MGAT5: variants seen among roughly 807,000 people sequenced by gnomAD.
MGAT5 encodes alpha-1,6-mannosylglycoprotein 6-beta-N-acetylglucosaminyltransferase A.
A neutral mutation model predicts 94.3 loss-of-function variants in MGAT5; 30 were observed. The ratio of observed to expected loss-of-function variants is 0.32; its 90% CI spans 0.24 to 0.43. The LOEUF (loss-of-function observed/expected upper bound fraction) is 0.43. MGAT5 is among the 20% of genes least tolerant of loss of function. MGAT5 has a pLI of 1.00. For missense variants in MGAT5, 691 were observed against 905.5 expected (o/e 0.76, Z 3.04); for synonymous variants, 310 against 322.9 (o/e 0.96, Z 0.43).
intron 1 of MGAT5, among the ~76,000 whole-genome samples, chr2:134,197,778 G>A (rs1373136513): frequency 1.3e-5 from 2 of 152,176 alleles, no homozygotes; most frequent in Admixed American, 6.5e-5. Flanking sequence ...AGTTATAGGG[G>A]GCTGGGCTCC....
intron 15 of MGAT5, among the ~76,000 whole-genome samples, chr2:134,448,355 C>T (rs1205278650): frequency 7.2e-5 from 11 of 152,186 alleles, no homozygotes; most frequent in Admixed American, 5.2e-4. Context: ...CCATTCCCTG[C>T]TTGGTGAGTA....
At chr2:134,242,706 T>A (rs112826594) in intron 1 of MGAT5, among the ~76,000 whole-genome samples, 2 of 152,222 alleles carry the variant, frequency 1.3e-5, no homozygotes, top group African/African-American at 4.8e-5. Flanking sequence ...TTTCCACAGA[T>A]GAGAGTTCGA....
chr2:134,200,772 G>A (rs575771419), intron 1 of MGAT5, among the ~76,000 whole-genome samples: 44 of 152,190 alleles, frequency 2.9e-4, no homozygotes, highest in East Asian at 9.8e-4. Context: ...TGATCCTAGC[G>A]TCTTGGGAGG....
chr2:134,335,843 G>T (rs1003902161), intron 4 of MGAT5, among the ~76,000 whole-genome samples: 1 of 152,054 alleles, frequency 6.6e-6, no homozygotes, highest in African/African-American at 2.4e-5. Context: ...TTGCTAAAGG[G>T]TCACAGAGAC....
intron 10 of MGAT5, among the ~76,000 whole-genome samples, chr2:134,394,226 A>G (rs1311808863): frequency 1.3e-5 from 2 of 152,376 alleles, no homozygotes; most frequent in African/African-American, 4.8e-5. Context: ...AATTACAAGT[A>G]GAAAAGTTGG....
chr2:134,140,361 G>A (rs1686603099), intron 1 of MGAT5, among the ~76,000 whole-genome samples: 1 of 152,236 alleles, frequency 6.6e-6, no homozygotes, highest in Non-Finnish European at 1.5e-5. Context: ...GGCGCCACAA[G>A]TCTGCTTAGA....
chr2:134,272,455 C>T (rs568769663), intron 2 of MGAT5, among the ~76,000 whole-genome samples: 4 of 151,802 alleles, frequency 2.6e-5, no homozygotes, highest in East Asian at 1.9e-4. Context: ...TTGCATCTCT[C>T]GGGTATGTGT....
intron 1 of MGAT5, among the ~76,000 whole-genome samples, chr2:134,151,995 C>T (rs1286108052): frequency 6.8e-6 from 1 of 146,752 alleles, no homozygotes; most frequent in Non-Finnish European, 1.5e-5. Context: ...CATGAGACCT[C>T]ACTCACTCAT....
At chr2:134,413,491 A>C (rs930270589) in intron 12 of MGAT5, among the ~76,000 whole-genome samples, 5 of 152,202 alleles carry the variant, frequency 3.3e-5, no homozygotes, top group Admixed American at 3.3e-4. Context: ...CCATCCCAAG[A>C]AGTAATCCTA....
chr2:134,376,388 T>G (rs1346354892), intron 10 of MGAT5, among the ~76,000 whole-genome samples: 1 of 152,228 alleles, frequency 6.6e-6, no homozygotes, highest in African/African-American at 2.4e-5. Context: ...TTACTGGAGA[T>G]ACACACAATT....
chr2:134,246,348 G>T (rs1682261322), intron 1 of MGAT5, among the ~76,000 whole-genome samples: 1 of 152,156 alleles, frequency 6.6e-6, no homozygotes, highest in South Asian at 2.1e-4. Context: ...TGCTGAGTGG[G>T]CTCTATCAGG....
At chr2:134,441,059 GT>G (rs1188787758) in intron 14 of MGAT5, among the ~76,000 whole-genome samples, 1 of 152,112 alleles carries the variant, frequency 6.6e-6, no homozygotes, top group Admixed American at 6.5e-5. Context: ...TGTAAAATTG[GT>G]TTCTTTATAT....
intron 4 of MGAT5, among the ~76,000 whole-genome samples, chr2:134,331,812 A>G (rs926236726): frequency 2.0e-5 from 3 of 152,062 alleles, no homozygotes; most frequent in African/African-American, 4.8e-5. Context: ...TTGAAATAGA[A>G]CCATTTTCAG....
intron 1 of MGAT5, among the ~76,000 whole-genome samples, chr2:134,222,218 G>A (rs1051625929): frequency 5.9e-5 from 9 of 152,182 alleles, no homozygotes; most frequent in Admixed American, 5.2e-4. Context: ...TCCTTCTGCT[G>A]TATCTGGCAT....
At chr2:134,327,508 G>T (rs996007734) in intron 4 of MGAT5, among the ~76,000 whole-genome samples, 1 of 152,104 alleles carries the variant, frequency 6.6e-6, no homozygotes, top group Non-Finnish European at 1.5e-5. Flanking sequence ...AATGTGAGTG[G>T]GTTGTGTCTA....
intron 14 of MGAT5, among the ~76,000 whole-genome samples, chr2:134,441,086 C>T (rs1021058647): frequency 1.3e-5 from 2 of 152,158 alleles, no homozygotes; most frequent in Non-Finnish European, 2.9e-5. Flanking sequence ...TTTCGCTTAA[C>T]GTTGCAGTTT....
chr2:134,344,896 C>T, intron 7 of MGAT5, 34 bp from the exon 8 acceptor site: 3 of 1,601,690 alleles, frequency 1.9e-6, no homozygotes, highest in South Asian at 2.2e-5. Flanking sequence ...TGATTTTTCT[C>T]TTTTTTCTCC....
intron 10 of MGAT5, among the ~76,000 whole-genome samples, chr2:134,372,115 A>G (rs1680845054): frequency 6.6e-6 from 1 of 152,178 alleles, no homozygotes; most frequent in Non-Finnish European, 1.5e-5. Flanking sequence ...GGGAAATGCT[A>G]CACTAGGTAG....
intron 1 of MGAT5, among the ~76,000 whole-genome samples, chr2:134,222,815 A>G (rs1680855973): frequency 8.2e-5 from 3 of 36,622 alleles, no homozygotes; most frequent in African/African-American, 2.9e-4. Flanking sequence ...ACAGGCATGC[A>G]TTACTTCTTA....
Sources: gnomAD v4.1 joint callset for allele counts (sites outside exome capture counted in the v4.1 genomes callset) on GRCh38, gnomAD v4.1.1 for gene constraint, MANE v1.5 for transcripts, NCBI Gene and HGNC (gene_info 2026-07-23, HGNC 2026-07-21) for gene names.